ATAD1: variants seen among roughly 807,000 people sequenced by gnomAD.
The protein encoded by ATAD1 is outer mitochondrial transmembrane helix translocase.
A neutral mutation model predicts 42.7 loss-of-function variants in ATAD1; 18 were observed. The ratio of observed to expected loss-of-function variants is 0.42; its 90% confidence interval spans 0.29 to 0.63. The LOEUF (loss-of-function observed/expected upper bound fraction) is 0.63, where lower values mean the gene tolerates loss of function less well. ATAD1 is among the 20% of genes least tolerant of loss of function. The pLI, the probability that ATAD1 is intolerant of heterozygous loss-of-function variation, is 0.19. For synonymous variants in ATAD1, 132 were observed against 143.1 expected, an observed-to-expected ratio of 0.92 and a Z score of 0.55; for missense variants, 294 against 440.4, an observed-to-expected ratio of 0.67 and a Z score of 2.98.
intron 2 of ATAD1, among the ~76,000 whole-genome samples, chr10:87,797,656 G>A (rs780624576): frequency 6.6e-5 from 10 of 152,102 alleles, no homozygotes; most frequent in Admixed American, 2.0e-4. Context: ...AGATTATCTT[G>A]TACCACGAGA....
chr10:87,837,076 T>C (rs1857944471), intron 1 of ATAD1, among the ~76,000 whole-genome samples: 1 of 152,252 alleles, frequency 6.6e-6, no homozygotes, highest in Non-Finnish European at 1.5e-5. Flanking sequence ...TCTTACGTTC[T>C]GGTACACTTT....
intron 5 of ATAD1, among the ~76,000 whole-genome samples, chr10:87,777,761 A>C (rs2131847427): frequency 6.6e-6 from 1 of 152,332 alleles, no homozygotes; most frequent in South Asian, 2.1e-4. Context: ...CAAGTGGCAC[A>C]AAAATATCTT....
At chr10:87,785,656 T>C (rs1855789094) in intron 4 of ATAD1, among the ~76,000 whole-genome samples, 1 of 150,518 alleles carries the variant, frequency 6.6e-6, no homozygotes, top group African/African-American at 2.4e-5. Context: ...AATTTTCTTA[T>C]ATATAATAAA....
At chr10:87,817,750 T>C in intron 1 of ATAD1, 1 of 985,406 alleles carries the variant, frequency 1.0e-6, no homozygotes, top group African/African-American at 1.7e-5. Flanking sequence ...AGAACCACCT[T>C]CGATTTTGCA....
At chr10:87,804,531 A>T (rs1295480427) in intron 2 of ATAD1, among the ~76,000 whole-genome samples, 1 of 151,746 alleles carries the variant, frequency 6.6e-6, no homozygotes, top group Non-Finnish European at 1.5e-5. Context: ...TACCATGTCC[A>T]CCTAATTTTT....
intron 1 of ATAD1, chr10:87,817,929 G>C (rs1421502985): frequency 1.0e-6 from 1 of 985,634 alleles, no homozygotes; most frequent in Non-Finnish European, 1.2e-6. Context: ...GAAGAGCTAA[G>C]CAGACCCTAA....
intron 2 of ATAD1, among the ~76,000 whole-genome samples, chr10:87,806,792 C>T (rs1416234551): frequency 6.6e-6 from 1 of 152,112 alleles, no homozygotes; most frequent in Non-Finnish European, 1.5e-5. Flanking sequence ...CTCCTACTTG[C>T]CTAAAAACAA....
intron 1 of ATAD1, among the ~76,000 whole-genome samples, chr10:87,836,903 T>C (rs1182048123): frequency 6.6e-6 from 1 of 152,250 alleles, no homozygotes. Context: ...TTGGATAATT[T>C]CTGTTGCCTC....
chr10:87,815,889 A>G, intron 1 of ATAD1, among the ~76,000 whole-genome samples: 1 of 152,142 alleles, frequency 6.6e-6, no homozygotes, highest in East Asian at 1.9e-4. Flanking sequence ...CTCTATAAAT[A>G]GCTGGAGTCA....
chr10:87,757,274 C>A (rs917367127), intron 8 of ATAD1, among the ~76,000 whole-genome samples: 313 of 122,324 alleles, frequency 2.6e-3, no homozygotes, highest in Non-Finnish European at 2.9e-3. Context: ...GAGTCCATTA[C>A]AAAAAAAAAA....
intron 5 of ATAD1, among the ~76,000 whole-genome samples, chr10:87,782,275 T>G (rs531961117): frequency 6.6e-6 from 1 of 152,176 alleles, no homozygotes; most frequent in South Asian, 2.1e-4. Context: ...AGAGAGAAAG[T>G]AGAATTAACA....
chr10:87,753,603 G>C lies in ATAD1; in HGVS notation c.*1084C>G, dbSNP rs182044161. The C allele has an allele frequency of 6.6e-6, 1 of 152,462 alleles. No homozygotes were observed. The highest frequency in any genetic ancestry group is 2.4e-5 in the African/African-American group (1 of 41,400). The allele number at this position is 152,462 out of a possible 1,614,324, so 9.4% of individuals were successfully genotyped here. On this transcript the variant is annotated 3_prime_UTR_variant, in exon 10 of 10. Coordinates refer to ENST00000680024, the MANE Select transcript of ATAD1 (RefSeq NM_001321967.2). ...TATGGGCATTTTGATGTGTACATTT[G>C]TACCTGACTTAGGGCACAATTTATA...
intron 2 of ATAD1, among the ~76,000 whole-genome samples, chr10:87,797,404 T>C (rs562998066): frequency 6.6e-6 from 1 of 152,336 alleles, no homozygotes; most frequent in South Asian, 2.1e-4. Flanking sequence ...GTTCTTTCAT[T>C]TACTTTTCTT....
chr10:87,764,093 C>T (rs527603787), intron 8 of ATAD1, among the ~76,000 whole-genome samples: 68 of 151,994 alleles, frequency 4.5e-4, no homozygotes, highest in Non-Finnish European at 8.2e-4. Context: ...AAGACCAAGA[C>T]CTGAATTTAA....
At chr10:87,765,135 G>A (rs1854678148) in intron 8 of ATAD1, among the ~76,000 whole-genome samples, 1 of 152,126 alleles carries the variant, frequency 6.6e-6, no homozygotes, top group African/African-American at 2.4e-5. Context: ...GGAAAAAATA[G>A]GAAGTGTGGA....
intron 1 of ATAD1, among the ~76,000 whole-genome samples, chr10:87,840,276 A>G (rs1205912142): frequency 6.6e-6 from 1 of 152,150 alleles, no homozygotes; most frequent in Non-Finnish European, 1.5e-5. Flanking sequence ...TTGAAACCAA[A>G]GGTTTGAGAT....
At chr10:87,836,657 A>T (rs1857935273) in intron 1 of ATAD1, among the ~76,000 whole-genome samples, 1 of 151,996 alleles carries the variant, frequency 6.6e-6, no homozygotes, top group African/African-American at 2.4e-5. Flanking sequence ...TTTGGGCATG[A>T]GTTTCTTTGG....
chr10:87,840,559 T>C (rs901162191), intron 1 of ATAD1, among the ~76,000 whole-genome samples: 3 of 152,166 alleles, frequency 2.0e-5, no homozygotes, highest in Non-Finnish European at 4.4e-5. Context: ...TGAACAAAAT[T>C]AGGAGTGCAC....
intron 7 of ATAD1, among the ~76,000 whole-genome samples, chr10:87,768,851 A>C (rs1564744745): frequency 1.3e-5 from 2 of 152,158 alleles, no homozygotes; most frequent in African/African-American, 4.8e-5. Context: ...TGGGAGGCAA[A>C]GGTAGGAGGG....
Sources: gnomAD v4.1 joint callset for allele counts (sites outside exome capture counted in the v4.1 genomes callset) on GRCh38, gnomAD v4.1.1 for gene constraint, MANE v1.5 for transcripts, NCBI Gene and HGNC (gene_info 2026-07-23, HGNC 2026-07-21) for gene names.